Variants in POLE observed in about 807,000 individuals in gnomAD.
POLE encodes DNA polymerase epsilon, catalytic subunit.
Under a neutral mutation model 279.2 loss-of-function variants are expected in POLE, and 188 were observed. The ratio of observed to expected loss-of-function variants is 0.67; its 90% CI spans 0.60 to 0.76. The LOEUF (loss-of-function observed/expected upper bound fraction) is 0.76. POLE is among the 30% of genes least tolerant of loss of function. POLE has a pLI of 0.00. For missense variants in POLE, 2,703 were observed against 3,016.7 expected, an observed-to-expected ratio of 0.90 and a Z score of 2.44; for synonymous variants, 1,214 against 1,172.5, an observed-to-expected ratio of 1.04 and a Z score of -0.72.
intron 40 of POLE, 200 bp from the exon 41 acceptor site, chr12:132,638,339 A>C: frequency 2.6e-6 from 1 of 383,348 alleles, no homozygotes; most frequent in Non-Finnish European, 4.6e-6. Context: ...AAAGATAACC[A>C]AAAACAGGAA....
chr12:132,657,856 A>G lies in POLE; in HGVS notation c.3378+12T>C, dbSNP rs766148809. 1 of 1,567,056 alleles carries G rather than the reference A, an allele frequency of 6.4e-7. No homozygotes were observed. The highest frequency in any genetic ancestry group is 8.8e-7 in the Non-Finnish European group (1 of 1,137,052). On this transcript the variant is annotated intron_variant, in intron 27 of 48. Transcript: ENST00000320574. ...TAAACTTTTAAGAGTAGAGAACGCA[A>G]CTGGCACTCACTGCTCGAATATCAA...
At chr12:132,637,491 G>C (rs1324823839) in intron 41 of POLE, among the ~76,000 whole-genome samples, 1 of 152,228 alleles carries the variant, frequency 6.6e-6, no homozygotes, top group Non-Finnish European at 1.5e-5. Flanking sequence ...GATTTAAATA[G>C]TGCTGAGTGT....
Position 132,644,078 on chromosome 12 carries a change from C to T in POLE, c.4150-101G>A, listed in dbSNP as rs2042220783. The T allele has an allele frequency of 2.3e-6, 3 of 1,301,924 alleles. No homozygotes were observed. In the African/African-American group the frequency reaches 4.4e-5, roughly 19 times the overall value. 80.6% of individuals were successfully genotyped at this position (1,301,924 alleles called of 1,614,324 possible). A position where few individuals can be genotyped will look rare whatever the true frequency, so the allele number is the denominator to read the frequency against. On this transcript the variant is annotated intron_variant, in intron 32 of 48. Transcript: ENST00000320574. ...TATTCGGAGTCCTAGACTTCTGGTG[C>T]CCCTAGCGACGGGGTACACCCACCA...
At chr12:132,659,768 C>T in intron 25 of POLE, 1 of 431,348 alleles carries the variant, frequency 2.3e-6, no homozygotes, top group South Asian at 2.5e-5. Context: ...TCTCAACTCA[C>T]TAAAACCTCC....
rs772522635 is a variant in POLE, at chr12:132,659,462, G to A, written c.3108C>T (p.Asn1036=). ...DSELFELISE[N]RSMSRKLEDY... ...CTTCCAGCTTCCGAGACATGGAACG[G>A]TTCTCAGAGATGAGCTCGAATAGCT... is the stretch of plus-strand genomic sequence containing the variant. The change falls in exon 26 of 49, where the codon AAC becomes AAT. Residue 1036 remains asparagine (N), a synonymous_variant. Transcript: ENST00000320574. The A allele has an allele frequency of 1.7e-5, 28 of 1,614,114 alleles. No individual in the cohort carries two copies. The highest frequency in any genetic ancestry group is 5.0e-5 in the Admixed American group (3 of 60,008).
rs1244892499 is a variant in POLE at position 132,634,217 on chromosome 12, G to A, written c.5973C>T (p.Ser1991=). The change falls in exon 43 of 49, where the codon TCC becomes TCT. Residue 1991 remains serine, a synonymous_variant. Transcript: ENST00000320574. This position sits in a 1 kb window ranked among gnomAD's most constrained non-coding sequence, Gnocchi z 4.0. ...CAATCATGAGGAAGTAGTTCTGGCA[G>A]GAGGCTGCCTGTGGCAAAAACTGCA... The part of the protein sequence containing the change: ...NILQFLPQAA[S]CQNYFLMIVS... 7 of 1,613,664 alleles carry A rather than the reference G, an allele frequency of 4.3e-6. No individual in the cohort carries two copies. The highest frequency in any genetic ancestry group is 5.9e-6 in the Non-Finnish European group (7 of 1,179,742).
chr12:132,631,833 T>C (rs1009873308), intron 45 of POLE, among the ~76,000 whole-genome samples: 10 of 152,134 alleles, frequency 6.6e-5, no homozygotes, highest in Non-Finnish European at 2.9e-5. Flanking sequence ...CCAGGGCCTT[T>C]GCGTCTTCCC....
rs374237142 is a variant in POLE at position 132,676,647 on chromosome 12, C to T, written c.808G>A (p.Val270Met). ...GTCTCAATGTCAAATGCCAAAACCACAGGGTCCTGTGGGGACAAAATAAGC... is the reference window on the plus strand; with the variant it reads ...GTCTCAATGTCAAATGCCAAAACCATAGGGTCCTGTGGGGACAAAATAAGC... ...RDDLVERPDP[V>M]VLAFDIETTK... Residue 270 changes from valine to methionine, a missense_variant, in exon 9 of 49, where the codon GTG (valine) becomes ATG (methionine). Val to Met is a conservative substitution (Grantham distance 21). Transcript: ENST00000320574. 28 of 1,610,620 alleles carry T rather than the reference C, an allele frequency of 1.7e-5. No homozygotes were observed. The highest frequency in any genetic ancestry group is 2.0e-5 in the Non-Finnish European group (24 of 1,177,052).
chr12:132,673,632 A>G lies in POLE; in HGVS notation c.1302T>C (p.Tyr434=), dbSNP rs2135999800. 1 of 1,614,006 alleles carries G rather than the reference A, an allele frequency of 6.2e-7. No individual in the cohort carries two copies. The highest frequency in any genetic ancestry group is 8.5e-7 in the Non-Finnish European group (1 of 1,180,000). The change falls in exon 13 of 49, where the codon TAT becomes TAC. Residue 434 remains tyrosine, a synonymous_variant. Coordinates refer to ENST00000320574, the MANE Select transcript of POLE (RefSeq NM_006231.4). ...LKAAAKAKLG[Y]DPVELDPEDM... Reference sequence around the variant, plus strand: ...CCTCCGGGTCTAGCTCCACGGGATCATAGCCTAGCTTGGCCTTGGCGGCCG... The same window carrying G: ...CCTCCGGGTCTAGCTCCACGGGATCGTAGCCTAGCTTGGCCTTGGCGGCCG...
intron 33 of POLE, 59 bp from the exon 34 acceptor site, chr12:132,643,619 A>T: frequency 6.2e-7 from 1 of 1,606,374 alleles, no homozygotes; most frequent in South Asian, 1.1e-5. Context: ...CTGGCTGCCC[A>T]CGTGACTTCT....
At chr12:132,669,717 G>A (rs1173804953) in intron 16 of POLE, among the ~76,000 whole-genome samples, 1 of 152,182 alleles carries the variant, frequency 6.6e-6, no homozygotes, top group East Asian at 1.9e-4. Context: ...TCAAGAAGGG[G>A]AGGATGGGCT....
rs1409010887 is a variant in POLE at position 132,668,001 on chromosome 12, G to A, written c.2174-353C>T. ...AGGAGGCTGAGATGGGAGGATTGCC[G>A]GTGCCTGGGAGGTTGAGGCTGCAGT... On this transcript the variant is annotated intron_variant, in intron 19 of 48. Coordinates refer to ENST00000320574, the MANE Select transcript of POLE (RefSeq NM_006231.4). The surrounding 1 kb of genome is among the most constrained non-coding windows in gnomAD (Gnocchi z 4.0). Among the ~76,000 whole-genome samples the A allele has an allele frequency of 2.0e-5, 3 of 152,010 alleles. No homozygotes were observed. The highest frequency in any genetic ancestry group is 1.9e-4 in the East Asian group (1 of 5,172).
rs554997781 is a variant in POLE, at chr12:132,668,486, G to A, written c.2043C>T (p.Ser681=). The change falls in exon 19 of 49, where the codon AGC becomes AGT. Residue 681 remains serine (S), a synonymous_variant. Transcript: ENST00000320574. This position sits in a 1 kb window ranked among gnomAD's most constrained non-coding sequence, Gnocchi z 4.0. ...WRGEFMPASR[S]EYHRIQHQLE... ...GCTGGTGCTGGATCCGATGGTATTC[G>A]CTGCGACTGGCTGGCACTGGGAAGG... 1.6e-5 allele frequency: 25 copies of A among 1,598,524 alleles called. No individual in the cohort carries two copies. Among genetic ancestry groups the A allele is most frequent in the Middle Eastern group, 1.7e-4 (1 of 5,964 alleles).
At chr12:132,652,087 A>G (rs1344960042) in intron 29 of POLE, among the ~76,000 whole-genome samples, 1 of 152,184 alleles carries the variant, frequency 6.6e-6, no homozygotes, top group Non-Finnish European at 1.5e-5. Flanking sequence ...TCCTATCAGG[A>G]AAGTTTTCAA....
intron 32 of POLE, among the ~76,000 whole-genome samples, chr12:132,645,428 T>A (rs955265522): frequency 2.0e-5 from 3 of 152,042 alleles, no homozygotes; most frequent in Non-Finnish European, 4.4e-5. Context: ...CACCCTAGCT[T>A]CATGCATGAA....
intron 1 of POLE, among the ~76,000 whole-genome samples, chr12:132,682,440 C>A (rs1023664336): frequency 6.6e-6 from 1 of 151,458 alleles, no homozygotes; most frequent in Non-Finnish European, 1.5e-5. Flanking sequence ...GCCAAGATTG[C>A]GCCACTGCAC....
rs751714913 is a variant in POLE at position 132,643,003 on chromosome 12, C to A, written c.4552-7G>T. 2 of 1,582,642 alleles carry A rather than the reference C, an allele frequency of 1.3e-6. No homozygotes were observed. The highest frequency in any genetic ancestry group is 2.7e-5 in the African/African-American group (2 of 73,276). On this transcript the variant is annotated splice_region_variant and splice_polypyrimidine_tract_variant and intron_variant, in intron 35 of 48. Transcript: ENST00000320574. ...GCATCTGGTTGCTGCGCACCTAGACCAACGCAGGCCACGTCAGCCTCCCCC... is the reference window on the plus strand; with the variant it reads ...GCATCTGGTTGCTGCGCACCTAGACAAACGCAGGCCACGTCAGCCTCCCCC...
chr12:132,627,980 C>T (rs1172492472), intron 45 of POLE, among the ~76,000 whole-genome samples: 1 of 152,238 alleles, frequency 6.6e-6, no homozygotes, highest in Non-Finnish European at 1.5e-5. Flanking sequence ...TCTGCTGCTG[C>T]TTTGGCAACT....
intron 16 of POLE, among the ~76,000 whole-genome samples, chr12:132,669,465 GA>G (rs1005145667): frequency 1.0e-4 from 13 of 129,524 alleles, no homozygotes; most frequent in South Asian, 2.3e-4. Context: ...TCCTGTTTCA[GA>G]AAAAAAAAAA....
Sources: allele counts gnomAD v4.1 joint callset (sites outside exome capture counted in the v4.1 genomes callset), GRCh38; gene constraint gnomAD v4.1.1; non-coding constraint Gnocchi (gnomAD v3.1); transcripts MANE v1.5; gene names NCBI Gene and HGNC (gene_info 2026-07-23, HGNC 2026-07-21).